The following PLXNB2 variants were observed in gnomAD, a reference collection of about 807,000 sequenced individuals.
PLXNB2 encodes plexin-B2.
Under a neutral mutation model 202.6 loss-of-function variants are expected in PLXNB2, and 85 were observed. The observed-to-expected ratio is 0.42, with a 90% CI of 0.35 to 0.50. The LOEUF is 0.50. Ranked by LOEUF, PLXNB2 falls within the 20% of genes least tolerant of loss-of-function variation. The probability of loss-of-function intolerance (pLI) is 0.02; values close to 1 mark genes in which losing one functional copy is unlikely to be tolerated. For missense variants in PLXNB2, 2,063 were observed against 2,586.2 expected, an observed-to-expected ratio of 0.80 and a Z score of 4.39; for synonymous variants, 1,239 against 1,137.6, an observed-to-expected ratio of 1.09 and a Z score of -1.79.
chr22:50,282,098 G>T lies in PLXNB2; in HGVS notation c.3118-17C>A, dbSNP rs762770489. On this transcript the variant is annotated splice_polypyrimidine_tract_variant and intron_variant, in intron 19 of 36. Transcript: ENST00000359337. Reference sequence around the variant, plus strand: ...ACCCACCACCTGCAGGCAAGTCCCAGCTGTCAGCCCCCGGGCGCAGACCCC... The same window carrying T: ...ACCCACCACCTGCAGGCAAGTCCCATCTGTCAGCCCCCGGGCGCAGACCCC... 1 of 1,607,686 alleles carries T rather than the reference G, an allele frequency of 6.2e-7. No individual in the cohort carries two copies. The highest frequency in any genetic ancestry group is 8.5e-7 in the Non-Finnish European group (1 of 1,178,232).
At chr22:50,281,067 C>A (rs1207023484) in intron 23 of PLXNB2, 22 bp downstream of exon 23, 1 of 1,608,882 alleles carries the variant, frequency 6.2e-7, no homozygotes, top group Admixed American at 1.7e-5. Context: ...CGCCCCAGCA[C>A]CAGCCCCCAA....
rs1470797614 is a variant in PLXNB2, at chr22:50,287,239, G to A, written c.1634C>T (p.Pro545Leu). 1 of 1,538,964 alleles carries A rather than the reference G, an allele frequency of 6.5e-7. No individual in the cohort carries two copies. The highest frequency in any genetic ancestry group is 8.8e-7 in the Non-Finnish European group (1 of 1,140,000). ...GEVQLTVSPLPALSEEDELLC... is the reference protein window; with the variant it reads ...GEVQLTVSPLLALSEEDELLC... ...CAACTCGTCCTCCTCGCTCAGGGCAGGGAGGGGGCTGACGGTCAGCTGCAC... is the reference window on the plus strand; with the variant it reads ...CAACTCGTCCTCCTCGCTCAGGGCAAGGAGGGGGCTGACGGTCAGCTGCAC... Residue 545 changes from proline to leucine, a missense_variant, in exon 8 of 37, where the codon CCT becomes CTT. By Grantham distance (98) the Pro-to-Leu change is moderately conservative (BLOSUM62 -3). Transcript: ENST00000359337.
In PLXNB2 at chr22:50,288,567, C is replaced by G. The variant is rs970080586; in HGVS notation, c.1380+176G>C. 6.6e-6 allele frequency among the ~76,000 whole-genome samples: 1 copy of G among 152,082 alleles called. No individual in the cohort carries two copies. Among genetic ancestry groups the G allele is most frequent in the African/African-American group, 2.4e-5 (1 of 41,402 alleles). On this transcript the variant is annotated intron_variant, in intron 5 of 36. Transcript: ENST00000359337. The surrounding 1 kb of genome is among the most constrained non-coding windows in gnomAD (Gnocchi z 5.0). ...GAGACGGGGCAGTGCTAGAGAGACA[C>G]AGGATGGAGGCACTGCCCGGGACCC...
rs1028659143 is a variant in PLXNB2, at chr22:50,282,075, C to G, written c.3124G>C (p.Gly1042Arg). The G allele has an allele frequency of 1.2e-6, 2 of 1,610,420 alleles. No individual in the cohort carries two copies. Among genetic ancestry groups the G allele is most frequent in the African/African-American group, 2.7e-5 (2 of 74,902 alleles). ...AESLQPMTVV[G>R]TDYVFHNDTK... ...TCATTGTGGAACACGTAGTCTGTAC[C>G]CACCACCTGCAGGCAAGTCCCAGCT... The change falls in exon 20 of 37, where the codon GGT becomes CGT. Residue 1042 changes from glycine (G) to arginine (R), a missense_variant. Coordinates refer to ENST00000359337, the MANE Select transcript of PLXNB2 (RefSeq NM_012401.4).
rs1007999140 is a variant in PLXNB2, at chr22:50,287,003, G to A, written c.1762+108C>T. On this transcript the variant is annotated intron_variant, in intron 8 of 36. Transcript: ENST00000359337. ...TGGGCCCCCGGAGCAGCCGCGGAGTGTGCCTGTGCAGAGCCTGCACCCAGG... is the reference window on the plus strand; with the variant it reads ...TGGGCCCCCGGAGCAGCCGCGGAGTATGCCTGTGCAGAGCCTGCACCCAGG... 16 of 1,136,442 alleles carry A rather than the reference G, an allele frequency of 1.4e-5. No homozygotes were observed. The East Asian group carries it at 3.4e-4, about 24-fold the overall frequency. 70.4% of individuals were successfully genotyped at this position (1,136,442 alleles called of 1,614,324 possible). A position where few individuals can be genotyped will look rare whatever the true frequency, so the allele number is the denominator to read the frequency against.
chr22:50,277,371 G>A (rs960025737), intron 33 of PLXNB2, among the ~76,000 whole-genome samples: 4 of 152,088 alleles, frequency 2.6e-5, no homozygotes, highest in African/African-American at 7.2e-5. Flanking sequence ...CGTGTGCTGT[G>A]GTGAGAGGTC....
In PLXNB2 at chr22:50,289,374, G is replaced by T; in HGVS notation, c.1068+143C>A. ...CAGCGTGAATGGCATTGAGAGATGC[G>T]GCACCCACCCACGCAAGCGCCCAGG... On this transcript the variant is annotated intron_variant, in intron 3 of 36. Coordinates refer to ENST00000359337, the MANE Select transcript of PLXNB2 (RefSeq NM_012401.4). The surrounding 1 kb of genome is among the most constrained non-coding windows in gnomAD (Gnocchi z 8.0). 1 of 1,128,658 alleles carries T rather than the reference G, an allele frequency of 8.9e-7. No homozygotes were observed. Among genetic ancestry groups the T allele is most frequent in the Non-Finnish European group, 1.2e-6 (1 of 817,336 alleles). 69.9% of individuals were successfully genotyped at this position (1,128,658 alleles called of 1,614,324 possible). A position where few individuals can be genotyped will look rare whatever the true frequency, so the allele number is the denominator to read the frequency against.
chr22:50,279,836 C>G (rs903818285), intron 26 of PLXNB2, 60 bp from the exon 27 acceptor site: 7 of 1,595,200 alleles, frequency 4.4e-6, no homozygotes, highest in Non-Finnish European at 6.0e-6. Context: ...GAAGGGGCCC[C>G]CGGAGCCCTG....
Position 50,288,390 on chromosome 22 carries a change from C to T in PLXNB2, c.1380+353G>A, listed in dbSNP as rs774548179. 1.9e-4 allele frequency among the ~76,000 whole-genome samples: 29 copies of T among 152,142 alleles called. No homozygotes were observed. Among genetic ancestry groups the T allele is most frequent in the Admixed American group, 1.0e-3 (16 of 15,278 alleles). ...GCCCATGTTCTCCACTGACTGAGCTCACATGGGCTGTGCAGGGACCCCGTC... is the reference window on the plus strand; with the variant it reads ...GCCCATGTTCTCCACTGACTGAGCTTACATGGGCTGTGCAGGGACCCCGTC... On this transcript the variant is annotated intron_variant, in intron 5 of 36. Transcript: ENST00000359337. The surrounding 1 kb of genome is among the most constrained non-coding windows in gnomAD (Gnocchi z 5.0).
At position 50,282,691 on chromosome 22, in the gene PLXNB2, C is replaced by CGGGCAGGGCACTGAGGAGGCAGCTGGGT; in HGVS notation, c.2987+19_2987+20insACCCAGCTGCCTCCTCAGTGCCCTGCCC. 1 of 1,557,156 alleles carries CGGGCAGGGCACTGAGGAGGCAGCTGGGT rather than the reference C, an allele frequency of 6.4e-7. No homozygotes were observed. Among genetic ancestry groups the CGGGCAGGGCACTGAGGAGGCAGCTGGGT allele is most frequent in the Non-Finnish European group, 8.8e-7 (1 of 1,140,740 alleles). On this transcript the variant is annotated intron_variant, in intron 18 of 36. Coordinates refer to ENST00000359337, the MANE Select transcript of PLXNB2 (RefSeq NM_012401.4). ...GCTGGGTGTGGGGAGCAGAGGGGGG[C>CGGGCAGGGCACTGAGGAGGCAGCTGGGT]GGGGGGACACCAGCCTCACCTGGCA... is the stretch of plus-strand genomic sequence containing the variant.
In PLXNB2 at chr22:50,297,121, G is replaced by T. The variant is rs138162464; in HGVS notation, c.-73-2343C>A. ...GGGTCTCCTGAGAAAGCTGGGACCC[G>T]CGGGGACTGGAGACTGCAGCTCCCG... On this transcript the variant is annotated intron_variant, in intron 1 of 36. Coordinates refer to ENST00000359337, the MANE Select transcript of PLXNB2 (RefSeq NM_012401.4). This position sits in a 1 kb window ranked among gnomAD's most constrained non-coding sequence, Gnocchi z 5.3. 6.6e-6 allele frequency among the ~76,000 whole-genome samples: 1 copy of T among 152,200 alleles called. No individual in the cohort carries two copies. The highest frequency in any genetic ancestry group is 1.5e-5 in the Non-Finnish European group (1 of 68,032).
chr22:50,282,395 G>A, intron 18 of PLXNB2, 82 bp from the exon 19 acceptor site: 2 of 1,447,578 alleles, frequency 1.4e-6, no homozygotes, highest in Non-Finnish European at 1.9e-6. Context: ...GCCCACCCTG[G>A]CCCTGACCAC....
Position 50,284,575 on chromosome 22 carries a change from T to C in PLXNB2, c.2179A>G (p.Lys727Glu), listed in dbSNP as rs2066281853. The C allele has an allele frequency of 2.5e-6, 4 of 1,609,878 alleles. No individual in the cohort carries two copies. The highest frequency in any genetic ancestry group is 1.1e-5 in the South Asian group (1 of 91,022). The change falls in exon 12 of 37, where the codon AAG becomes GAG. Residue 727 changes from lysine to glutamate, a missense_variant and splice_region_variant. Around this residue, in one of 2 missense-constraint regions of PLXNB2, gnomAD observed 1,303 missense variants for 1,476.8 expected, o/e 0.88. Transcript: ENST00000359337. This position sits in a 1 kb window ranked among gnomAD's most constrained non-coding sequence, Gnocchi z 8.0. ...GCCGGCCTGCCCTGGAGCCGTACCT[T>C]TGGGGTCCGAAAGGCGAAGGTCCCA... ...ESGTFAFRTP[K>E]LSHDANETLP...
chr22:50,275,231 C>A lies in PLXNB2; in HGVS notation c.*473G>T. 2.8e-6 allele frequency: 1 copy of A among 359,786 alleles called. No homozygotes were observed. Among genetic ancestry groups the A allele is most frequent in the Non-Finnish European group, 5.5e-6 (1 of 180,598 alleles). 22.3% of individuals were successfully genotyped at this position (359,786 alleles called of 1,614,324 possible). ...GCACCCTTGGGGAGGCCGGTGAGGT[C>A]AGGAAGGCATCGTACCGCTTTTTCT... On this transcript the variant is annotated 3_prime_UTR_variant, in exon 37 of 37. Coordinates refer to ENST00000359337, the MANE Select transcript of PLXNB2 (RefSeq NM_012401.4).
chr22:50,283,209 C>A, intron 16 of PLXNB2, 23 bp from the exon 17 acceptor site: 2 of 1,598,348 alleles, frequency 1.3e-6, no homozygotes, highest in Admixed American at 1.7e-5. Context: ...CAGGGGCACT[C>A]GGGTGAGGAC....
rs772496036 is a variant in PLXNB2 at position 50,277,948 on chromosome 22, T to G, written c.4953A>C (p.Pro1651=). 20 of 1,612,884 alleles carry G rather than the reference T, an allele frequency of 1.2e-5. No homozygotes were observed. Among genetic ancestry groups the G allele is most frequent in the Non-Finnish European group, 1.7e-5 (20 of 1,179,774 alleles). ...AGTCGAAGAAGTACTTGACTGCAGG[T>G]GGCACCGCGTGCCCAGGCGCCAGCA... is the stretch of plus-strand genomic sequence containing the variant. ...QSVLAPGHAV[P]PAVKYFFDFL... The change falls in exon 32 of 37, where the codon CCA becomes CCC. Residue 1651 remains proline (P), a synonymous_variant. Coordinates refer to ENST00000359337, the MANE Select transcript of PLXNB2 (RefSeq NM_012401.4).
intron 1 of PLXNB2, chr22:50,300,403 G>T: frequency 1.2e-6 from 1 of 810,094 alleles, no homozygotes; most frequent in Non-Finnish European, 1.5e-6. Context: ...CGGTCTCAGG[G>T]CTCGGCCCCT....
rs373347520 is a variant in PLXNB2 at position 50,283,430 on chromosome 22, G to C, written c.2586C>G (p.Ile862Met). Residue 862 changes from isoleucine (I) to methionine (M), a missense_variant, in exon 16 of 37, where the codon ATC (isoleucine) becomes ATG (methionine). This residue lies in a region of PLXNB2 where 1,303 missense variants were observed against 1,476.8 expected (regional missense o/e 0.88). Transcript: ENST00000359337. ...CCGTGAAAGGCGTCTCCGCAGCCTCGATCACACACACGATCCTGGCGGGCG... is the reference window on the plus strand; with the variant it reads ...CCGTGAAAGGCGTCTCCGCAGCCTCCATCACACACACGATCCTGGCGGGCG... ...YSVSTRIVCVIEAAETPFTGG... is the reference protein window; with the variant it reads ...YSVSTRIVCVMEAAETPFTGG... 2 of 1,612,836 alleles carry C rather than the reference G, an allele frequency of 1.2e-6. No individual in the cohort carries two copies. Among genetic ancestry groups the C allele is most frequent in the South Asian group, 1.1e-5 (1 of 91,050 alleles).
chr22:50,293,127 G>A (rs2067004984), intron 2 of PLXNB2, among the ~76,000 whole-genome samples: 1 of 152,228 alleles, frequency 6.6e-6, no homozygotes, highest in South Asian at 2.1e-4. Context: ...GCTGGCTTTA[G>A]TGAGAGACAG....
Sources: gnomAD v4.1 joint callset for allele counts (sites outside exome capture counted in the v4.1 genomes callset) on GRCh38, gnomAD v4.1.1 for gene constraint, gnomAD v4.1.1 regional missense constraint, Gnocchi (gnomAD v3.1) non-coding constraint, MANE v1.5 for transcripts, NCBI Gene and HGNC (gene_info 2026-07-23, HGNC 2026-07-21) for gene names.